MYL12B: variants seen among roughly 807,000 people sequenced by gnomAD.
The protein encoded by MYL12B is myosin light chain 12B.
MYL12B carries 3 observed loss-of-function variants against 12.9 expected under a neutral mutation model. The observed-to-expected ratio is 0.23, with a 90% confidence interval of 0.11 to 0.60. The LOEUF (loss-of-function observed/expected upper bound fraction) is 0.60, where lower values mean the gene tolerates loss of function less well. MYL12B is among the 20% of genes least tolerant of loss of function. The pLI is 0.89. For synonymous variants in MYL12B, 57 were observed against 71.9 expected (o/e 0.79, Z 1.05); for missense variants, 120 against 215.4 (o/e 0.56, Z 2.77).
In MYL12B at chr18:3,277,309, A is replaced by C; in HGVS notation, c.241A>C (p.Ile81Leu). The C allele has an allele frequency of 1.2e-6, 2 of 1,613,978 alleles. No individual in the cohort carries two copies. Among genetic ancestry groups the C allele is most frequent in the Non-Finnish European group, 1.7e-6 (2 of 1,179,878 alleles). The change falls in exon 3 of 4, where the codon ATC becomes CTC. Residue 81 changes from isoleucine to leucine, a missense_variant. Ile to Leu is a conservative substitution (Grantham distance 5). Coordinates refer to ENST00000237500, the MANE Select transcript of MYL12B (RefSeq NM_033546.4). ...CATGATGAATGAGGCCCCAGGGCCCATCAATTTCACCATGTTCCTGACCAT... is the reference window on the plus strand; with the variant it reads ...CATGATGAATGAGGCCCCAGGGCCCCTCAATTTCACCATGTTCCTGACCAT... ...DAMMNEAPGP[I>L]NFTMFLTMFG...
intron 2 of MYL12B, chr18:3,276,326 C>A: frequency 1.9e-6 from 1 of 538,144 alleles, no homozygotes; most frequent in Non-Finnish European, 2.4e-6. Context: ...ATCCTTGGTT[C>A]AGTGCTGCTT....
chr18:3,276,530 A>G lies in MYL12B; in HGVS notation c.185-723A>G, dbSNP rs139808121. The stretch of plus-strand genomic sequence containing the variant: ...AAGACCACAGTTCAATGACATGTGT[A>G]AACAGTGTTTGAAGATATCTAACAT... On this transcript the variant is annotated intron_variant, in intron 2 of 3. Transcript: ENST00000237500. The G allele has an allele frequency of 3.8e-3, 3,735 of 985,238 alleles. 13 individuals are homozygous for G. Among genetic ancestry groups the G allele is most frequent in the Non-Finnish European group, 4.0e-3 (3,325 of 829,860 alleles). 61.0% of individuals were successfully genotyped at this position (985,238 alleles called of 1,614,324 possible).
chr18:3,262,328 C>G (rs1047309491), intron 1 of MYL12B, 91 bp downstream of exon 1: 1 of 152,196 alleles, frequency 6.6e-6, no homozygotes. Flanking sequence ...GCGGCCGGAC[C>G]CCGCCCCAGG....
At chr18:3,266,879 T>C (rs2081638930) in intron 1 of MYL12B, among the ~76,000 whole-genome samples, 1 of 152,148 alleles carries the variant, frequency 6.6e-6, no homozygotes, top group African/African-American at 2.4e-5. Context: ...AACACTTATT[T>C]AATGGATGAG....
At position 3,276,957 on chromosome 18, in the gene MYL12B, T is replaced by G. The variant is rs1052856753; in HGVS notation, c.185-296T>G. 32 of 982,578 alleles carry G rather than the reference T, an allele frequency of 3.3e-5. No individual in the cohort carries two copies. In the East Asian group the frequency reaches 2.2e-3, roughly 67 times the overall value. The allele number at this position is 982,578 out of a possible 1,614,324, so 60.9% of individuals were successfully genotyped here. A position where few individuals can be genotyped will look rare whatever the true frequency, so the allele number is the denominator to read the frequency against. On this transcript the variant is annotated intron_variant, in intron 2 of 3. Coordinates refer to ENST00000237500, the MANE Select transcript of MYL12B (RefSeq NM_033546.4). The stretch of plus-strand genomic sequence containing the variant: ...AAAAAAAAATTAAGATGTAATAATG[T>G]GGCACTGCCTGGCTTCAGGTTTTTG...
rs779389811 is a variant in MYL12B, at chr18:3,277,815, C to G, written c.397C>G (p.Arg133Gly). 3 of 1,613,596 alleles carry G rather than the reference C, an allele frequency of 1.9e-6. No individual in the cohort carries two copies. The highest frequency in any genetic ancestry group is 2.5e-6 in the Non-Finnish European group (3 of 1,179,824). Residue 133 changes from arginine (R) to glycine (G), a missense_variant, in exon 4 of 4, where the codon CGG (arginine) becomes GGG (glycine). Transcript: ENST00000237500. ...AGAGCTGCTGACAACCATGGGGGAT[C>G]GGTTTACAGATGAGGAAGTGGATGA... Reference protein sequence around the residue: ...LRELLTTMGDRFTDEEVDELY... With the variant: ...LRELLTTMGDGFTDEEVDELY...
rs888615956 is a variant in MYL12B at position 3,262,172 on chromosome 18, C to T, written c.-81C>T. 3.9e-5 allele frequency: 6 copies of T among 152,266 alleles called. No individual in the cohort carries two copies. The highest frequency in any genetic ancestry group is 5.9e-5 in the Non-Finnish European group (4 of 68,090). 9.4% of individuals were successfully genotyped at this position (152,266 alleles called of 1,614,324 possible). A position where few individuals can be genotyped will look rare whatever the true frequency, so the allele number is the denominator to read the frequency against. On this transcript the variant is annotated 5_prime_UTR_variant, in exon 1 of 4. Coordinates refer to ENST00000237500, the MANE Select transcript of MYL12B (RefSeq NM_033546.4). ...GGCGCCGCCACTGTCCGGCCACAGC[C>T]TAACGCTCTTCGCTGTCGTTTGTGG...
rs757394502 is a variant in MYL12B at position 3,277,770 on chromosome 18, A to G, written c.352A>G (p.Ile118Val). 4.3e-6 allele frequency: 7 copies of G among 1,610,988 alleles called. No individual in the cohort carries two copies. Among genetic ancestry groups the G allele is most frequent in the Non-Finnish European group, 5.9e-6 (7 of 1,179,242 alleles). The change falls in exon 4 of 4, where the codon ATT (isoleucine) becomes GTT (valine). Residue 118 changes from isoleucine (I) to valine (V), a missense_variant. Ile to Val is a conservative substitution (Grantham distance 29, BLOSUM62 3). Coordinates refer to ENST00000237500, the MANE Select transcript of MYL12B (RefSeq NM_033546.4). ...TTCTTTCTATTGTCTTCCAGGCACCATTCAGGAAGATTACCTAAGAGAGCT... is the reference window on the plus strand; with the variant it reads ...TTCTTTCTATTGTCTTCCAGGCACCGTTCAGGAAGATTACCTAAGAGAGCT... ...ACFDEEATGT[I>V]QEDYLRELLT...
chr18:3,267,557 G>T (rs530669237), intron 1 of MYL12B, among the ~76,000 whole-genome samples: 8 of 152,176 alleles, frequency 5.3e-5, no homozygotes, highest in African/African-American at 1.7e-4. Flanking sequence ...TTCTTTCCAC[G>T]GTCCATGGTT....
intron 2 of MYL12B, among the ~76,000 whole-genome samples, chr18:3,273,850 G>GTTTTT (rs112632898): frequency 0.012 from 1,112 of 89,322 alleles, 11 homozygotes; most frequent in African/African-American, 0.026. Flanking sequence ...AAGAGGTGGG[G>GTTTTT]GTTTTTTTTT....
chr18:3,277,125 A>T (rs1271520965), intron 2 of MYL12B, 128 bp from the exon 3 acceptor site: 2 of 1,260,152 alleles, frequency 1.6e-6, no homozygotes, highest in Non-Finnish European at 2.1e-6. Context: ...AATGTTCTTA[A>T]AGTTAATTGA....
chr18:3,277,561 T>C (rs2081743652), intron 3 of MYL12B, 147 bp downstream of exon 3: 10 of 1,356,550 alleles, frequency 7.4e-6, no homozygotes, highest in Non-Finnish European at 8.9e-6. Flanking sequence ...AGCTTTTAAA[T>C]GATTTGATCT....
Position 3,277,889 on chromosome 18 carries a change from C to T in MYL12B, c.471C>T (p.Ile157=), listed in dbSNP as rs373604604. The change falls in exon 4 of 4, where the codon ATC becomes ATT. Residue 157 remains isoleucine (I), a synonymous_variant. Coordinates refer to ENST00000237500, the MANE Select transcript of MYL12B (RefSeq NM_033546.4). ...ACAAAAAGGGGAATTTCAATTACAT[C>T]GAGTTCACACGCATCCTGAAACATG... ...PIDKKGNFNY[I]EFTRILKHGA... 24 of 1,613,824 alleles carry T rather than the reference C, an allele frequency of 1.5e-5. No homozygotes were observed. The highest frequency in any genetic ancestry group is 1.1e-4 in the East Asian group (5 of 44,874).
chr18:3,266,762 G>A (rs1291790476), intron 1 of MYL12B, among the ~76,000 whole-genome samples: 3 of 152,154 alleles, frequency 2.0e-5, no homozygotes, highest in Admixed American at 1.3e-4. Flanking sequence ...AACTAATTCA[G>A]TTTTTAAAAG....
chr18:3,273,746 G>T (rs902353233), intron 2 of MYL12B, among the ~76,000 whole-genome samples: 1 of 152,120 alleles, frequency 6.6e-6, no homozygotes, highest in Non-Finnish European at 1.5e-5. Flanking sequence ...CAAAGCGGAG[G>T]GGGTGAGGCA....
chr18:3,276,370 C>T, intron 2 of MYL12B: 1 of 967,074 alleles, frequency 1.0e-6, no homozygotes, highest in South Asian at 4.8e-5. Flanking sequence ...AACACTCCCA[C>T]CATGTCTGGC....
At chr18:3,275,706 T>C (rs2081724493) in intron 2 of MYL12B, among the ~76,000 whole-genome samples, 1 of 152,066 alleles carries the variant, frequency 6.6e-6, no homozygotes, top group African/African-American at 2.4e-5. Context: ...CCTAAACCAA[T>C]TCATTTTAAA....
intron 1 of MYL12B, among the ~76,000 whole-genome samples, chr18:3,264,774 A>G (rs2081623927): frequency 6.6e-6 from 1 of 152,246 alleles, no homozygotes; most frequent in Non-Finnish European, 1.5e-5. Context: ...AAGAAGTTCA[A>G]AAACAAAACT....
Position 3,278,011 on chromosome 18 carries a change from A to G in MYL12B, c.*74A>G. 6.5e-7 allele frequency: 1 copy of G among 1,536,508 alleles called. No homozygotes were observed. Among genetic ancestry groups the G allele is most frequent in the East Asian group, 2.4e-5 (1 of 41,520 alleles). On this transcript the variant is annotated 3_prime_UTR_variant, in exon 4 of 4. Coordinates refer to ENST00000237500, the MANE Select transcript of MYL12B (RefSeq NM_033546.4). ...CTTCTCAGACACTTCCCCCACCCTCATAGAACCTGTTGCATGCAACTTAGT... is the reference window on the plus strand; with the variant it reads ...CTTCTCAGACACTTCCCCCACCCTCGTAGAACCTGTTGCATGCAACTTAGT...
Sources: allele counts gnomAD v4.1 joint callset (sites outside exome capture counted in the v4.1 genomes callset), GRCh38; gene constraint gnomAD v4.1.1; transcripts MANE v1.5; gene names NCBI Gene and HGNC (gene_info 2026-07-23, HGNC 2026-07-21).